METTL8: variants seen among roughly 807,000 people sequenced by gnomAD.
METTL8 encodes the protein tRNA N(3)-cytidine methyltransferase METTL8, mitochondrial.
In METTL8, 32 loss-of-function variants were observed where a neutral mutation model predicts 48.7. The observed-to-expected ratio is 0.66, with a 90% CI of 0.50 to 0.88. The LOEUF is 0.88. Among genes scored for constraint, METTL8 ranks in the 40% least tolerant of loss-of-function variants. The probability of loss-of-function intolerance (pLI) is 0.00; values close to 1 mark genes in which losing one functional copy is unlikely to be tolerated. For synonymous variants in METTL8, 136 were observed against 157.1 expected, an observed-to-expected ratio of 0.87 and a Z score of 1.01; for missense variants, 464 against 474.4, an observed-to-expected ratio of 0.98 and a Z score of 0.20.
chr2:171,397,372 A>AAC (rs1553526645), intron 1 of METTL8, among the ~76,000 whole-genome samples: 2 of 147,154 alleles, frequency 1.4e-5, no homozygotes, highest in Non-Finnish European at 3.0e-5. Context: ...AAAAAAAAAA[A>AAC]AAAAAAACAA....
At chr2:171,434,163 A>G, upstream of METTL8, 1 of 351,196 alleles carries the variant, frequency 2.8e-6, no homozygotes, top group South Asian at 2.1e-5. Context: ...GGGCCGCGGC[A>G]GGCAGAGGCA....
intron 1 of METTL8, among the ~76,000 whole-genome samples, chr2:171,432,351 G>A (rs763298523): frequency 1.3e-5 from 2 of 152,220 alleles, no homozygotes; most frequent in African/African-American, 2.4e-5. Context: ...AGAGTCTAAA[G>A]GACTTGGTTG....
intron 1 of METTL8, among the ~76,000 whole-genome samples, chr2:171,427,121 T>G (rs1483112965): frequency 6.6e-6 from 1 of 152,240 alleles, no homozygotes; most frequent in Non-Finnish European, 1.5e-5. Context: ...TGGTTCTGTT[T>G]TATTAGGATT....
intron 3 of METTL8, among the ~76,000 whole-genome samples, chr2:171,357,190 C>G (rs925839687): frequency 6.6e-6 from 1 of 151,970 alleles, no homozygotes; most frequent in South Asian, 2.1e-4. Flanking sequence ...AACACCTGGC[C>G]TCAAGTGATC....
At chr2:171,375,521 A>G (rs1470717920) in intron 2 of METTL8, among the ~76,000 whole-genome samples, 10 of 152,200 alleles carry the variant, frequency 6.6e-5, no homozygotes, top group Non-Finnish European at 1.5e-4. Context: ...GGTGTGTAGT[A>G]GTATTTTACT....
intron 7 of METTL8, 39 bp from the exon 8 acceptor site, chr2:171,326,187 GA>G: frequency 8.8e-7 from 1 of 1,138,610 alleles, no homozygotes; most frequent in Non-Finnish European, 1.3e-6. Flanking sequence ...CCAGTTTGTA[GA>G]AATCTTGTTT....
intron 2 of METTL8, among the ~76,000 whole-genome samples, chr2:171,380,713 G>A (rs1281407055): frequency 1.3e-5 from 2 of 152,086 alleles, no homozygotes; most frequent in Non-Finnish European, 2.9e-5. Flanking sequence ...GCCTCTTCAA[G>A]GAGAACTACA....
intron 1 of METTL8, among the ~76,000 whole-genome samples, chr2:171,396,236 T>C (rs572574421): frequency 2.0e-5 from 3 of 152,132 alleles, no homozygotes; most frequent in Admixed American, 6.5e-5. Context: ...CACTCCAGCC[T>C]GGGTGACAGA....
chr2:171,357,328 G>C (rs1002444164), intron 3 of METTL8, among the ~76,000 whole-genome samples: 7 of 152,046 alleles, frequency 4.6e-5, no homozygotes, highest in African/African-American at 1.4e-4. Flanking sequence ...GATACATTTA[G>C]TAAAATTGCA....
Position 171,391,981 on chromosome 2 carries a change from A to T in METTL8, c.143+62T>A. The T allele has an allele frequency of 4.1e-6, 6 of 1,459,732 alleles. 1 individual carries two copies. Among genetic ancestry groups the T allele is most frequent in the Middle Eastern group, 2.0e-4 (1 of 5,024 alleles). The allele number at this position is 1,459,732 out of a possible 1,614,324, so 90.4% of individuals were successfully genotyped here. On this transcript the variant is annotated intron_variant, in intron 2 of 9. Transcript: ENST00000375258. ...AAACCCTTTCTTAATTCTAAATGAA[A>T]ATAATACCACTGGTGATATTTAAGA...
chr2:171,386,978 G>A (rs532933957), intron 2 of METTL8, among the ~76,000 whole-genome samples: 151 of 152,044 alleles, frequency 9.9e-4, no homozygotes, highest in Non-Finnish European at 1.7e-3. Context: ...TCCACCTAGC[G>A]GTCCGACTCC....
chr2:171,362,461 C>T (rs1231242593), intron 2 of METTL8, among the ~76,000 whole-genome samples: 1 of 151,756 alleles, frequency 6.6e-6, no homozygotes. Context: ...AAGCATGGTA[C>T]TATTTTAAGT....
rs1688450170 is a variant in METTL8, at chr2:171,390,101, TATACTGA to T, written c.143+1935_143+1941del. On this transcript the variant is annotated intron_variant, in intron 2 of 9. Coordinates refer to ENST00000375258, the MANE Select transcript of METTL8 (RefSeq NM_001321154.2). ...CCAAAATCCTAGGGCCCTTAAAAAT[TATACTGA>T]ATCTACTCTGCCTATACTCTATAAA... 2.0e-5 allele frequency among the ~76,000 whole-genome samples: 3 copies of T among 152,126 alleles called. No homozygotes were observed. The South Asian group carries it at 6.2e-4, about 32-fold the overall frequency.
chr2:171,367,839 T>G (rs1685884008), intron 2 of METTL8, among the ~76,000 whole-genome samples: 1 of 152,214 alleles, frequency 6.6e-6, no homozygotes, highest in Admixed American at 6.5e-5. Context: ...TAGACTATAC[T>G]AAGTTGACAA....
chr2:171,335,426 A>T (rs968770051), intron 5 of METTL8, among the ~76,000 whole-genome samples: 2 of 152,074 alleles, frequency 1.3e-5, no homozygotes, highest in African/African-American at 2.4e-5. Context: ...TTTTTTAATT[A>T]AAAAAATTTT....
At position 171,326,108 on chromosome 2, in the gene METTL8, G is replaced by A. The variant is rs1331318814; in HGVS notation, c.901C>T (p.Pro301Ser). ...TCTCGAAATAACAGCATTCCCCCAG[G>A]TTTCAGTAACTTGGACAGTCGGTTT... ...VVNRLSKLLK[P>S]GGMLLFRDYG... The change falls in exon 8 of 10, where the codon CCT (proline) becomes TCT (serine). Residue 301 changes from proline to serine, a missense_variant. Transcript: ENST00000375258. 6.5e-7 allele frequency: 1 copy of A among 1,549,638 alleles called. No individual in the cohort carries two copies. Among genetic ancestry groups the A allele is most frequent in the East Asian group, 2.4e-5 (1 of 40,856 alleles).
intron 2 of METTL8, among the ~76,000 whole-genome samples, chr2:171,390,090 C>T (rs909548635): frequency 2.6e-5 from 4 of 152,110 alleles, no homozygotes; most frequent in Admixed American, 2.0e-4. Flanking sequence ...AATCCTAGGG[C>T]CCTTAAAAAT....
chr2:171,374,841 G>C, intron 2 of METTL8: 1 of 713,156 alleles, frequency 1.4e-6, no homozygotes. Flanking sequence ...CACAGTAGGT[G>C]TATGTTTAAC....
intron 1 of METTL8, among the ~76,000 whole-genome samples, chr2:171,433,476 C>T (rs1408869854): frequency 6.6e-6 from 1 of 152,128 alleles, no homozygotes; most frequent in Non-Finnish European, 1.5e-5. Context: ...CCTTAAGGGA[C>T]TTAGAGCATG....
Sources: allele counts gnomAD v4.1 joint callset (sites outside exome capture counted in the v4.1 genomes callset), GRCh38; gene constraint gnomAD v4.1.1; transcripts MANE v1.5; gene names NCBI Gene and HGNC (gene_info 2026-07-23, HGNC 2026-07-21).